Variants in HAPLN1 observed in about 807,000 individuals in gnomAD.
The protein encoded by HAPLN1 is Cartilage link protein.
Under a neutral mutation model 36.5 loss-of-function variants are expected in HAPLN1, and 13 were observed. The observed-to-expected ratio is 0.36, with a 90% CI of 0.23 to 0.57. The LOEUF is 0.57. Among genes scored for constraint, HAPLN1 ranks in the 20% least tolerant of loss-of-function variants. HAPLN1 has a pLI of 0.83. For synonymous variants in HAPLN1, 202 were observed against 169.8 expected, an observed-to-expected ratio of 1.19 and a Z score of -1.48; for missense variants, 407 against 439.7, an observed-to-expected ratio of 0.93 and a Z score of 0.66.
At chr5:83,682,960 T>C (rs1424662927) in intron 1 of HAPLN1, among the ~76,000 whole-genome samples, 3 of 152,140 alleles carry the variant, frequency 2.0e-5, no homozygotes, top group Non-Finnish European at 4.4e-5. Context: ...CAACTTTCTT[T>C]ATAGGCATGG....
intron 1 of HAPLN1, among the ~76,000 whole-genome samples, chr5:83,677,290 A>G (rs991537801): frequency 2.6e-5 from 4 of 152,200 alleles, no homozygotes; most frequent in Non-Finnish European, 5.9e-5. Context: ...AGGAGCTGGT[A>G]GTCTGGGCAG....
intron 2 of HAPLN1, among the ~76,000 whole-genome samples, chr5:83,671,885 A>AC (rs1750736250): frequency 6.6e-6 from 1 of 152,216 alleles, no homozygotes. Context: ...TGGACAGTGT[A>AC]TGCAAATAAT....
chr5:83,647,398 A>G (rs747187641), intron 3 of HAPLN1, among the ~76,000 whole-genome samples: 5 of 152,204 alleles, frequency 3.3e-5, no homozygotes, highest in Non-Finnish European at 5.9e-5. Flanking sequence ...GTAAAGCTCT[A>G]TGCTTTACTC....
chr5:83,673,297 A>C, intron 2 of HAPLN1, 127 bp downstream of exon 2: 1 of 634,868 alleles, frequency 1.6e-6, no homozygotes, highest in Admixed American at 3.0e-5. Flanking sequence ...CACGTTCACC[A>C]ATTAGCAGAA....
chr5:83,675,973 T>TACA (rs1750850514), intron 1 of HAPLN1, among the ~76,000 whole-genome samples: 1 of 152,232 alleles, frequency 6.6e-6, no homozygotes, highest in African/African-American at 2.4e-5. Flanking sequence ...CTCTTTAACT[T>TACA]ACAACTATGA....
In HAPLN1 at chr5:83,641,584, C is replaced by G; in HGVS notation, c.977G>C (p.Ser326Thr). The stretch of plus-strand genomic sequence containing the variant: ...GAAGCGCACTGCAGCCTCAGTAGGA[C>G]TGCAGCGCCTTCTTGGCCTAGAGAT... ...YPISRPRRRC[S>T]PTEAAVRFVG... Residue 326 changes from serine (S) to threonine (T), a missense_variant, in exon 5 of 5, where the codon AGT becomes ACT. Transcript: ENST00000274341. The G allele has an allele frequency of 6.2e-7, 1 of 1,614,212 alleles. No homozygotes were observed. The highest frequency in any genetic ancestry group is 1.3e-5 in the African/African-American group (1 of 75,066).
At chr5:83,655,932 C>A (rs142794350) in intron 2 of HAPLN1, among the ~76,000 whole-genome samples, 2 of 152,092 alleles carry the variant, frequency 1.3e-5, no homozygotes, top group African/African-American at 4.8e-5. Context: ...GAACCACAGG[C>A]GTTGATTACA....
chr5:83,654,505 C>T (rs745414586), intron 2 of HAPLN1, among the ~76,000 whole-genome samples: 1 of 152,162 alleles, frequency 6.6e-6, no homozygotes, highest in African/African-American at 2.4e-5. Flanking sequence ...TCTCTAGTGC[C>T]TTCTTTCTAG....
chr5:83,669,067 G>A (rs1045925431), intron 2 of HAPLN1, among the ~76,000 whole-genome samples: 1 of 152,112 alleles, frequency 6.6e-6, no homozygotes, highest in Admixed American at 6.5e-5. Flanking sequence ...TTCATTTCTG[G>A]GAGTTCCTCT....
At chr5:83,645,501 G>A (rs1237471994) in intron 3 of HAPLN1, among the ~76,000 whole-genome samples, 1 of 18,526 alleles carries the variant, frequency 5.4e-5, no homozygotes, top group East Asian at 8.9e-4. Context: ...TAGCTCATCA[G>A]CTATCATTAG....
At chr5:83,669,677 T>G (rs909725058) in intron 2 of HAPLN1, among the ~76,000 whole-genome samples, 1 of 152,190 alleles carries the variant, frequency 6.6e-6, no homozygotes, top group Non-Finnish European at 1.5e-5. Flanking sequence ...GACCAGTATT[T>G]GTAGTCTGTT....
At chr5:83,679,533 C>T (rs1433877575) in intron 1 of HAPLN1, among the ~76,000 whole-genome samples, 1 of 152,100 alleles carries the variant, frequency 6.6e-6, no homozygotes, top group African/African-American at 2.4e-5. Flanking sequence ...TTCTGACCCG[C>T]TCTTACATAA....
intron 1 of HAPLN1, among the ~76,000 whole-genome samples, chr5:83,701,586 C>T (rs1751506701): frequency 6.6e-6 from 1 of 152,128 alleles, no homozygotes; most frequent in Admixed American, 6.5e-5. Flanking sequence ...AACTCATTAA[C>T]AAAGACACTA....
chr5:83,704,092 T>C (rs1204029590), intron 1 of HAPLN1, among the ~76,000 whole-genome samples: 1 of 143,188 alleles, frequency 7.0e-6, no homozygotes, highest in African/African-American at 2.6e-5. Flanking sequence ...CTGGGGGGCC[T>C]ATATGCAACA....
At chr5:83,680,771 C>T (rs992022296) in intron 1 of HAPLN1, among the ~76,000 whole-genome samples, 5 of 152,072 alleles carry the variant, frequency 3.3e-5, no homozygotes, top group Non-Finnish European at 7.4e-5. Flanking sequence ...TGTTGTGATG[C>T]TATTAAAAAT....
chr5:83,715,516 C>T (rs1284838406), intron 1 of HAPLN1, among the ~76,000 whole-genome samples: 1 of 152,202 alleles, frequency 6.6e-6, no homozygotes, highest in Non-Finnish European at 1.5e-5. Flanking sequence ...GGTTTGTGAA[C>T]TCCTTGAGCC....
rs772547488 is a variant in HAPLN1, at chr5:83,673,414, G to A, written c.100+10C>T. On this transcript the variant is annotated intron_variant, in intron 2 of 4. Coordinates refer to ENST00000274341, the MANE Select transcript of HAPLN1 (RefSeq NM_001884.4). ...ATTAGGCTTTGATAAGAGAAGCTGT[G>A]TTTCCTTACCTTGGATGTGAATAGC... 2 of 1,554,076 alleles carry A rather than the reference G, an allele frequency of 1.3e-6. No individual in the cohort carries two copies. Among genetic ancestry groups the A allele is most frequent in the Non-Finnish European group, 1.7e-6 (2 of 1,144,136 alleles).
intron 3 of HAPLN1, among the ~76,000 whole-genome samples, chr5:83,651,564 A>G (rs1750062953): frequency 3.4e-5 from 1 of 29,524 alleles, no homozygotes; most frequent in Admixed American, 2.5e-4. Context: ...ATAGGATTGT[A>G]TGGGATTCAA....
rs1053423577 is a variant in HAPLN1, at chr5:83,638,451, G to A, written c.*3045C>T. 1.3e-5 allele frequency: 2 copies of A among 151,914 alleles called. No individual in the cohort carries two copies. Among genetic ancestry groups the A allele is most frequent in the Non-Finnish European group, 2.9e-5 (2 of 67,900 alleles). The allele number at this position is 151,914 out of a possible 1,614,324, so 9.4% of individuals were successfully genotyped here. ...GATACAGTTAACTTCTTAACAAAACGATGTCAGTTATCCGTTGATATTTCT... is the reference window on the plus strand; with the variant it reads ...GATACAGTTAACTTCTTAACAAAACAATGTCAGTTATCCGTTGATATTTCT... On this transcript the variant is annotated 3_prime_UTR_variant, in exon 5 of 5. Coordinates refer to ENST00000274341, the MANE Select transcript of HAPLN1 (RefSeq NM_001884.4).
Sources: allele counts gnomAD v4.1 joint callset (sites outside exome capture counted in the v4.1 genomes callset), GRCh38; gene constraint gnomAD v4.1.1; transcripts MANE v1.5; gene names NCBI Gene and HGNC (gene_info 2026-07-23, HGNC 2026-07-21).